The following SUPT3H variants were observed in gnomAD, a reference collection of about 807,000 sequenced individuals.
SUPT3H encodes the protein transcription initiation protein SPT3 homolog.
Under a neutral mutation model 44.3 loss-of-function variants are expected in SUPT3H, and 44 were observed. The ratio of observed to expected loss-of-function variants is 0.99; its 90% CI spans 0.78 to 1.28. The LOEUF (loss-of-function observed/expected upper bound fraction) is 1.28, where lower values mean the gene tolerates loss of function less well. Ranked by LOEUF, SUPT3H falls within the 50% of genes most tolerant of loss-of-function variation. The pLI, the probability that SUPT3H is intolerant of heterozygous loss-of-function variation, is 0.00. For missense variants in SUPT3H, 380 were observed against 387.1 expected (o/e 0.98, Z 0.15); for synonymous variants, 124 against 125.6 (o/e 0.99, Z 0.09).
intron 10 of SUPT3H, among the ~76,000 whole-genome samples, chr6:44,867,246 G>A (rs964451170): frequency 6.6e-6 from 1 of 151,642 alleles, no homozygotes; most frequent in African/African-American, 2.4e-5. Flanking sequence ...CCGCCTCCTG[G>A]GCTCAAGTGA....
intron 10 of SUPT3H, among the ~76,000 whole-genome samples, chr6:44,918,542 A>G (rs558294428): frequency 6.6e-6 from 1 of 152,334 alleles, no homozygotes; most frequent in African/African-American, 2.4e-5. Context: ...ATAAAAATAT[A>G]AATTCATCTG....
At chr6:45,046,621 G>A (rs1367499190) in intron 3 of SUPT3H, among the ~76,000 whole-genome samples, 3 of 152,136 alleles carry the variant, frequency 2.0e-5, no homozygotes, top group Non-Finnish European at 4.4e-5. Flanking sequence ...GTGAGCCACC[G>A]CTCTCAGCCC....
intron 3 of SUPT3H, among the ~76,000 whole-genome samples, chr6:45,023,429 A>C (rs1291388432): frequency 2.0e-5 from 3 of 152,164 alleles, no homozygotes; most frequent in Admixed American, 6.5e-5. Flanking sequence ...ATTACTGGGT[A>C]TATACCCCAA....
chr6:44,964,577 A>T (rs1456777890), intron 6 of SUPT3H, among the ~76,000 whole-genome samples: 1 of 152,170 alleles, frequency 6.6e-6, no homozygotes, highest in African/African-American at 2.4e-5. Context: ...ATCCATAAAC[A>T]TGTGAAAGAC....
At chr6:45,027,435 G>T (rs1294592163) in intron 3 of SUPT3H, among the ~76,000 whole-genome samples, 1 of 151,992 alleles carries the variant, frequency 6.6e-6, no homozygotes, top group Non-Finnish European at 1.5e-5. Context: ...TAAAATCCTT[G>T]TACATTAATT....
downstream of SUPT3H, among the ~76,000 whole-genome samples, chr6:44,824,530 C>G (rs984619627): frequency 7.9e-5 from 12 of 152,196 alleles, no homozygotes; most frequent in African/African-American, 2.9e-4. Flanking sequence ...GTACCACAGG[C>G]TGGTGCAGTT....
chr6:44,913,485 T>C (rs1767361126), intron 10 of SUPT3H, among the ~76,000 whole-genome samples: 1 of 152,152 alleles, frequency 6.6e-6, no homozygotes, highest in Non-Finnish European at 1.5e-5. Flanking sequence ...GGCTCCTCAT[T>C]AAGAATGTAG....
At chr6:45,234,848 C>T (rs1768793988) in intron 2 of SUPT3H, among the ~76,000 whole-genome samples, 1 of 152,068 alleles carries the variant, frequency 6.6e-6, no homozygotes, top group Non-Finnish European at 1.5e-5. Context: ...TTCCATGGTA[C>T]AACAGATTTT....
chr6:45,094,077 G>T (rs1192328804), intron 3 of SUPT3H, among the ~76,000 whole-genome samples: 1 of 152,082 alleles, frequency 6.6e-6, no homozygotes, highest in African/African-American at 2.4e-5. Context: ...ATTAAGACAT[G>T]CAATTCAATC....
At chr6:44,859,413 G>C (rs962840388) in intron 10 of SUPT3H, among the ~76,000 whole-genome samples, 2 of 152,090 alleles carry the variant, frequency 1.3e-5, no homozygotes, top group Non-Finnish European at 2.9e-5. Context: ...CCAATATTTA[G>C]AGTAAATAAT....
At position 45,078,730 on chromosome 6, in the gene SUPT3H, C is replaced by CTTCCT. The variant is rs943465543; in HGVS notation, c.186+27187_186+27191dup. Among the ~76,000 whole-genome samples, 50 of 152,046 alleles carry CTTCCT rather than the reference C, an allele frequency of 3.3e-4. No individual in the cohort carries two copies. In the East Asian group the frequency reaches 7.7e-3, roughly 23 times the overall value. On this transcript the variant is annotated intron_variant, in intron 3 of 10. Coordinates refer to ENST00000371459, the MANE Select transcript of SUPT3H (RefSeq NM_003599.4). ...TTTATTTGTTTGTTTGTTTGTTTTCCTTCCTTTCCTTTCCTTTCAGCACTT... is the reference window on the plus strand; with the variant it reads ...TTTATTTGTTTGTTTGTTTGTTTTCCTTCCTTTCCTTTCCTTTCCTTTCAGCACTT...
chr6:45,179,310 C>T (rs1249339776), intron 2 of SUPT3H, among the ~76,000 whole-genome samples: 1 of 152,132 alleles, frequency 6.6e-6, no homozygotes, highest in Non-Finnish European at 1.5e-5. Context: ...CAAGGAGGAA[C>T]TGGTACCATT....
intron 2 of SUPT3H, among the ~76,000 whole-genome samples, chr6:45,121,522 G>C (rs576793281): frequency 2.0e-5 from 3 of 151,846 alleles, no homozygotes; most frequent in African/African-American, 4.8e-5. Flanking sequence ...ATTATGTGGG[G>C]GGGGGGGTGG....
intron 3 of SUPT3H, 37 bp from the exon 4 acceptor site, chr6:45,020,669 A>C: frequency 1.3e-6 from 2 of 1,493,394 alleles, no homozygotes; most frequent in South Asian, 2.3e-5. Context: ...TTTCTCAGTA[A>C]CACAAATTAT....
At chr6:44,932,434 A>G (rs1299009295) in intron 10 of SUPT3H, among the ~76,000 whole-genome samples, 1 of 152,222 alleles carries the variant, frequency 6.6e-6, no homozygotes, top group Non-Finnish European at 1.5e-5. Context: ...CTTAATTTGT[A>G]ATTGAAAGAA....
At chr6:45,069,393 C>T (rs759524399) in intron 3 of SUPT3H, among the ~76,000 whole-genome samples, 1 of 152,120 alleles carries the variant, frequency 6.6e-6, no homozygotes, top group Non-Finnish European at 1.5e-5. Context: ...ATCTGGATAT[C>T]ATCACCTGGT....
intron 3 of SUPT3H, among the ~76,000 whole-genome samples, chr6:45,051,180 C>T (rs562156305): frequency 1.3e-5 from 2 of 152,204 alleles, no homozygotes; most frequent in Admixed American, 6.5e-5. Flanking sequence ...TGAGCCACTG[C>T]GCCCAGCCTG....
intron 2 of SUPT3H, among the ~76,000 whole-genome samples, chr6:45,346,118 A>G (rs977660011): frequency 1.3e-5 from 2 of 152,114 alleles, no homozygotes; most frequent in Admixed American, 1.3e-4. Flanking sequence ...CCATATTCCT[A>G]TAGTAGCATA....
At chr6:44,835,326 C>G (rs1281605027) in intron 10 of SUPT3H, among the ~76,000 whole-genome samples, 1 of 152,116 alleles carries the variant, frequency 6.6e-6, no homozygotes, top group Non-Finnish European at 1.5e-5. Flanking sequence ...CTACTGTTAA[C>G]TCCTAATTAA....
Sources: allele counts gnomAD v4.1 joint callset (sites outside exome capture counted in the v4.1 genomes callset), GRCh38; gene constraint gnomAD v4.1.1; transcripts MANE v1.5; gene names NCBI Gene and HGNC (gene_info 2026-07-23, HGNC 2026-07-21).